COG2: variants seen among roughly 807,000 people sequenced by gnomAD.
COG2 encodes the protein conserved oligomeric Golgi complex subunit 2.
COG2 carries 52 observed loss-of-function variants against 90.6 expected under a neutral mutation model. The observed-to-expected ratio is 0.57, with a 90% CI of 0.46 to 0.72. The LOEUF is 0.72. COG2 is among the 30% of genes least tolerant of loss of function. The pLI is 0.00. For missense variants in COG2, 829 were observed against 891.2 expected, an observed-to-expected ratio of 0.93 and a Z score of 0.89; for synonymous variants, 337 against 320.4, an observed-to-expected ratio of 1.05 and a Z score of -0.55.
At chr1:230,650,148 T>C (rs1467226117) in intron 1 of COG2, among the ~76,000 whole-genome samples, 1 of 152,254 alleles carries the variant, frequency 6.6e-6, no homozygotes, top group African/African-American at 2.4e-5. Context: ...TCCATGACTT[T>C]GCTATTGTGA....
At chr1:230,646,953 T>G (rs1661802544) in intron 1 of COG2, among the ~76,000 whole-genome samples, 1 of 152,138 alleles carries the variant, frequency 6.6e-6, no homozygotes, top group South Asian at 2.1e-4. Context: ...GACTCATCAT[T>G]ATCTCTGGCC....
chr1:230,670,257 A>G (rs1475860943), intron 7 of COG2: 2 of 152,256 alleles, frequency 1.3e-5, no homozygotes, highest in African/African-American at 4.8e-5. Context: ...AGTTTCTGAC[A>G]TACAAAAACA....
In COG2 at chr1:230,642,503, CT is replaced by C. The variant is rs988187433; in HGVS notation, c.-103del. 8.4e-5 allele frequency: 95 copies of C among 1,132,456 alleles called. 1 individual carries two copies. Among genetic ancestry groups the C allele is most frequent in the Non-Finnish European group, 1.1e-4 (86 of 778,354 alleles). The allele number at this position is 1,132,456 out of a possible 1,614,324, so 70.2% of individuals were successfully genotyped here. On this transcript the variant is annotated 5_prime_UTR_variant, in exon 1 of 18. An upstream open reading frame in the 5' UTR loses its in-frame stop. Transcript: ENST00000366669. ...GCCATGTTGGCGGAAGCGGACCCCC[CT>C]GTGCCGTGGAAACTGGCGGTGGCCG... is the stretch of plus-strand genomic sequence containing the variant.
intron 5 of COG2, among the ~76,000 whole-genome samples, chr1:230,665,481 A>C (rs1240896988): frequency 1.3e-5 from 2 of 152,196 alleles, no homozygotes; most frequent in Non-Finnish European, 2.9e-5. Context: ...CAAAGTCCTG[A>C]TCGTATTATC....
intron 3 of COG2, among the ~76,000 whole-genome samples, chr1:230,662,797 G>A (rs910919967): frequency 2.6e-5 from 4 of 152,016 alleles, no homozygotes; most frequent in African/African-American, 9.7e-5. Context: ...ACGCTTGTCA[G>A]CATCCACAAA....
chr1:230,676,101 C>T (rs1343681361), intron 9 of COG2, among the ~76,000 whole-genome samples: 1 of 152,104 alleles, frequency 6.6e-6, no homozygotes, highest in African/African-American at 2.4e-5. Context: ...TTCTTCTTCC[C>T]TGGATTTCAG....
intron 2 of COG2, among the ~76,000 whole-genome samples, chr1:230,659,997 C>T (rs901132388): frequency 2.3e-4 from 35 of 152,260 alleles, no homozygotes; most frequent in African/African-American, 7.7e-4. Flanking sequence ...CAGATACATA[C>T]GCTAGCCACA....
chr1:230,645,792 A>T (rs11122567), intron 1 of COG2, among the ~76,000 whole-genome samples: 1 of 152,130 alleles, frequency 6.6e-6, no homozygotes, highest in Admixed American at 6.5e-5. Flanking sequence ...CAGATCATTC[A>T]GCATTAGGTT....
At chr1:230,659,301 A>C (rs1189284848) in intron 1 of COG2, among the ~76,000 whole-genome samples, 163 bp from the exon 2 acceptor site, 3 of 152,202 alleles carry the variant, frequency 2.0e-5, no homozygotes, top group Admixed American at 1.3e-4. Context: ...AAGCGGACAA[A>C]CACCTTCATA....
At chr1:230,653,583 A>T (rs192169265) in intron 1 of COG2, among the ~76,000 whole-genome samples, 8 of 152,344 alleles carry the variant, frequency 5.3e-5, no homozygotes, top group Admixed American at 3.9e-4. Flanking sequence ...TAAAGAATCA[A>T]TTCTACTAGC....
At chr1:230,678,881 A>G (rs370154364) in intron 9 of COG2, 32 bp from the exon 10 acceptor site, 18 of 1,601,716 alleles carry the variant, frequency 1.1e-5, no homozygotes, top group Non-Finnish European at 1.4e-5. Context: ...TAGTGTTCTA[A>G]TAATGAAAAT....
At chr1:230,689,938 T>G in intron 15 of COG2, 76 bp from the exon 16 acceptor site, 1 of 1,411,146 alleles carries the variant, frequency 7.1e-7, no homozygotes, top group Non-Finnish European at 9.5e-7. Context: ...CCTTTTGGAC[T>G]TGAGTTCTGG....
chr1:230,663,222 G>T lies in COG2; in HGVS notation c.381+1G>T, dbSNP rs779760370. On this transcript the variant is annotated splice_donor_variant, in intron 4 of 17. Transcript: ENST00000366669. LOFTEE classifies it high-confidence loss of function. ...ACAAGAGGACATTAGGAAAAAAAAG[G>T]TATACTCAAATATTACAATATTAAA... 1 of 1,607,862 alleles carries T rather than the reference G, an allele frequency of 6.2e-7. No homozygotes were observed. Among genetic ancestry groups the T allele is most frequent in the East Asian group, 2.2e-5 (1 of 44,738 alleles).
Position 230,679,000 on chromosome 1 carries a change from G to A in COG2, c.1114G>A (p.Ala372Thr), listed in dbSNP as rs747271864. Residue 372 changes from alanine (A) to threonine (T), a missense_variant, in exon 10 of 18, where the codon GCC (alanine) becomes ACC (threonine). By Grantham distance (58) the Ala-to-Thr change is moderately conservative (BLOSUM62 0). Coordinates refer to ENST00000366669, the MANE Select transcript of COG2 (RefSeq NM_007357.3). ...TGTAAAGAGATTAAGAGCCCATCCT[G>A]CCTATCACAGCTTCAATAAGAAGTG... ...ASVKRLRAHPAYHSFNKKWNL... is the reference protein window; with the variant it reads ...ASVKRLRAHPTYHSFNKKWNL... The A allele has an allele frequency of 6.2e-7, 1 of 1,613,670 alleles. No individual in the cohort carries two copies. Among genetic ancestry groups the A allele is most frequent in the Non-Finnish European group, 8.5e-7 (1 of 1,179,668 alleles).
chr1:230,693,980 C>T lies in COG2; in HGVS notation c.*587C>T, dbSNP rs1663106934. On this transcript the variant is annotated 3_prime_UTR_variant, in exon 18 of 18. Coordinates refer to ENST00000366669, the MANE Select transcript of COG2 (RefSeq NM_007357.3). ...CCTTCCTAAATAAAAGAAGTGTCTC[C>T]CATGAGTGTGTGCTCGTTTTCTTTG... 1 of 148,098 alleles carries T rather than the reference C, an allele frequency of 6.8e-6. No homozygotes were observed. Among genetic ancestry groups the T allele is most frequent in the African/African-American group, 2.5e-5 (1 of 40,352 alleles). The allele number at this position is 148,098 out of a possible 1,614,324, so 9.2% of individuals were successfully genotyped here.
chr1:230,685,108 G>A lies in COG2; in HGVS notation c.1252G>A (p.Ala418Thr), dbSNP rs759634300. The A allele has an allele frequency of 2.1e-5, 34 of 1,613,916 alleles. No homozygotes were observed. The African/African-American group carries it at 3.5e-4, about 16-fold the overall frequency. The change falls in exon 12 of 18, where the codon GCT becomes ACT. Residue 418 changes from alanine to threonine, a missense_variant. Transcript: ENST00000366669. ...AGCTGAAAGTCCGTATTGCCTTTTG[G>A]CTTCTCATAGAACTTGGAGCAGCCT... ...APAESPYCLL[A>T]SHRTWSSLRR... is the part of the protein sequence containing the mutation.
intron 9 of COG2, among the ~76,000 whole-genome samples, chr1:230,677,205 C>A (rs1662619842): frequency 6.6e-6 from 1 of 152,104 alleles, no homozygotes; most frequent in Admixed American, 6.5e-5. Flanking sequence ...TCACTAATTC[C>A]TTCTTTAGTT....
intron 1 of COG2, among the ~76,000 whole-genome samples, chr1:230,652,047 G>C (rs1661926698): frequency 6.6e-6 from 1 of 152,100 alleles, no homozygotes; most frequent in African/African-American, 2.4e-5. Context: ...GTTTTTATTA[G>C]AGTTCATTCT....
At chr1:230,689,974 T>C in intron 15 of COG2, 40 bp from the exon 16 acceptor site, 1 of 1,525,658 alleles carries the variant, frequency 6.6e-7, no homozygotes, top group Non-Finnish European at 8.8e-7. Context: ...TTTTCTGTTT[T>C]TTTCCTGTGC....
Sources: gnomAD v4.1 joint callset for allele counts (sites outside exome capture counted in the v4.1 genomes callset) on GRCh38, gnomAD v4.1.1 for gene constraint, MANE v1.5 for transcripts, NCBI Gene and HGNC (gene_info 2026-07-23, HGNC 2026-07-21) for gene names.